Variants in MYL4 observed in about 807,000 individuals in gnomAD.
MYL4 encodes atrial myosin light chain 1.
MYL4 carries 16 observed loss-of-function variants against 21.6 expected under a neutral mutation model. That is an observed-to-expected ratio of 0.74 (90% CI 0.50 to 1.12). The LOEUF (loss-of-function observed/expected upper bound fraction) is 1.12, where lower values mean the gene tolerates loss of function less well. Ranked by LOEUF, MYL4 falls within the 50% of genes most tolerant of loss-of-function variation. MYL4 has a pLI of 0.00. For synonymous variants in MYL4, 82 were observed against 95.7 expected, an observed-to-expected ratio of 0.86 and a Z score of 0.83; for missense variants, 249 against 252.9, an observed-to-expected ratio of 0.98 and a Z score of 0.11.
At chr17:47,195,203 CA>C in the MYL4 span, among the ~76,000 whole-genome samples, 1 of 151,070 alleles carries the variant, frequency 6.6e-6, no homozygotes, top group African/African-American at 2.4e-5. Context: ...GCTGGGATTA[CA>C]GGTGCATGCC....
chr17:47,195,227 TA>T, the MYL4 span, among the ~76,000 whole-genome samples: 1 of 143,794 alleles, frequency 7.0e-6, no homozygotes, highest in African/African-American at 2.6e-5. Context: ...CACAGTGGGC[TA>T]ATTTTTTTTT....
intron 3 of MYL4, among the ~76,000 whole-genome samples, chr17:47,221,333 G>A (rs898610717): frequency 5.9e-5 from 9 of 152,140 alleles, no homozygotes; most frequent in South Asian, 2.1e-4. Context: ...CCCGGGCCGC[G>A]TGGCACTTCA....
chr17:47,211,932 A>G (rs2064778894), intron 1 of MYL4, among the ~76,000 whole-genome samples: 1 of 152,150 alleles, frequency 6.6e-6, no homozygotes, highest in South Asian at 2.1e-4. Flanking sequence ...TTAAATCAAA[A>G]TGATGACTTG....
chr17:47,226,582 A>G (rs964000324), downstream of MYL4, among the ~76,000 whole-genome samples: 1 of 152,236 alleles, frequency 6.6e-6, no homozygotes, highest in African/African-American at 2.4e-5. Context: ...CATTTATTGA[A>G]CACAGTATTA....
At chr17:47,222,915 C>T in intron 5 of MYL4, 99 bp from the exon 6 acceptor site, 1 of 1,420,114 alleles carries the variant, frequency 7.0e-7, no homozygotes, top group Middle Eastern at 1.8e-4. Flanking sequence ...GAAAGGGGAG[C>T]AGGAGGGTTA....
intron 1 of MYL4, among the ~76,000 whole-genome samples, chr17:47,212,854 G>C (rs866881804): frequency 4.6e-5 from 7 of 152,284 alleles, no homozygotes; most frequent in Non-Finnish European, 4.4e-5. Context: ...TGGAACTTCA[G>C]CATGAGTGAA....
intron 2 of MYL4, 107 bp downstream of exon 2, chr17:47,213,933 CT>C (rs1567746856): frequency 7.7e-7 from 1 of 1,295,262 alleles, no homozygotes; most frequent in Non-Finnish European, 1.1e-6. Flanking sequence ...ATAGTAATCA[CT>C]GTCATCATCA....
chr17:47,201,567 A>G (rs112012869), intron 1 of MYL4, among the ~76,000 whole-genome samples: 2,447 of 151,326 alleles, frequency 0.016, 55 homozygotes, highest in African/African-American at 0.056. Context: ...AGTGATTCTC[A>G]TGCCTCAGTC....
chr17:47,209,851 C>A, intron 1 of MYL4: 1 of 538,176 alleles, frequency 1.9e-6, no homozygotes, highest in East Asian at 3.3e-5. Flanking sequence ...AACCATCCAT[C>A]CACCCTTTTA....
At chr17:47,226,269 G>A (rs2064885274), downstream of MYL4, among the ~76,000 whole-genome samples, 1 of 152,214 alleles carries the variant, frequency 6.6e-6, no homozygotes, top group South Asian at 2.1e-4. Flanking sequence ...CCAATACAAG[G>A]AGGAACCAGA....
chr17:47,219,899 C>A lies in MYL4; in HGVS notation c.164-5C>A, dbSNP rs2064841906. ...GGAAGGTATAGCTGGGTCTTCTCTC[C>A]ACAGAGTTCAAAGAGGCCTTTTCAT... On this transcript the variant is annotated splice_region_variant and splice_polypyrimidine_tract_variant and intron_variant, in intron 2 of 6. Transcript: ENST00000393450. 6.2e-7 allele frequency: 1 copy of A among 1,614,248 alleles called. No homozygotes were observed. The highest frequency in any genetic ancestry group is 2.2e-5 in the East Asian group (1 of 44,884).
chr17:47,221,028 C>T (rs1598660105), intron 3 of MYL4, among the ~76,000 whole-genome samples: 1 of 152,252 alleles, frequency 6.6e-6, no homozygotes, highest in East Asian at 1.9e-4. Flanking sequence ...TCTCAGAAGT[C>T]AGAAGCAAGT....
downstream of MYL4, among the ~76,000 whole-genome samples, chr17:47,227,146 G>A (rs762897670): frequency 5.9e-5 from 9 of 152,274 alleles, no homozygotes; most frequent in South Asian, 8.3e-4. Flanking sequence ...GTGAGCCACC[G>A]CGCCCAGCCG....
intron 2 of MYL4, among the ~76,000 whole-genome samples, chr17:47,218,269 G>GAT (rs2064829808): frequency 6.6e-6 from 1 of 152,180 alleles, no homozygotes; most frequent in Non-Finnish European, 1.5e-5. Flanking sequence ...AATCTTCTGT[G>GAT]ATATGTGGAA....
upstream of MYL4, chr17:47,209,321 A>C: frequency 6.6e-7 from 1 of 1,515,478 alleles, no homozygotes; most frequent in South Asian, 1.1e-5. Context: ...CCCAGGATAA[A>C]AGGGAAGGGA....
chr17:47,211,173 A>G (rs964308823), intron 1 of MYL4, among the ~76,000 whole-genome samples: 1 of 152,080 alleles, frequency 6.6e-6, no homozygotes, highest in Non-Finnish European at 1.5e-5. Flanking sequence ...GAAAAAAAAT[A>G]GGTATCTTTT....
intron 2 of MYL4, chr17:47,214,027 A>G: frequency 1.7e-6 from 1 of 579,586 alleles, no homozygotes; most frequent in South Asian, 2.1e-5. Context: ...AATTCTCATA[A>G]CAACACCATG....
the MYL4 span, among the ~76,000 whole-genome samples, chr17:47,191,444 G>A: frequency 4.6e-5 from 7 of 152,134 alleles, no homozygotes; most frequent in South Asian, 2.1e-4. Flanking sequence ...ATCTGGACAC[G>A]TCTATTAAAG....
chr17:47,200,268 CA>C (rs1334419232), upstream of MYL4, among the ~76,000 whole-genome samples: 1 of 151,696 alleles, frequency 6.6e-6, no homozygotes, highest in Non-Finnish European at 1.5e-5. Context: ...TAATCTTTAG[CA>C]TTAAAAATAT....
Sources: allele counts gnomAD v4.1 joint callset (sites outside exome capture counted in the v4.1 genomes callset), GRCh38; gene constraint gnomAD v4.1.1; transcripts MANE v1.5; gene names NCBI Gene and HGNC (gene_info 2026-07-23, HGNC 2026-07-21).